Variants in THEMIS observed in about 807,000 individuals in gnomAD.
THEMIS encodes thymocyte selection associated, also known as protein THEMIS.
THEMIS carries 37 observed loss-of-function variants against 52.6 expected under a neutral mutation model. The ratio of observed to expected loss-of-function variants is 0.70; its 90% CI spans 0.54 to 0.93. THEMIS has a LOEUF of 0.93. THEMIS is among the 40% of genes least tolerant of loss of function. The pLI is 0.00. For missense variants in THEMIS, 808 were observed against 763.1 expected (o/e 1.06, Z -0.69); for synonymous variants, 292 against 272.7 (o/e 1.07, Z -0.70).
At chr6:127,856,446 G>A (rs1779620810) in intron 1 of THEMIS, among the ~76,000 whole-genome samples, 1 of 151,878 alleles carries the variant, frequency 6.6e-6, no homozygotes, top group Non-Finnish European at 1.5e-5. Context: ...GAAAATAAAT[G>A]TCCTGACCTC....
In THEMIS at chr6:127,719,805, T is replaced by A. The variant is rs965778325; in HGVS notation, c.1777A>T (p.Thr593Ser). The A allele has an allele frequency of 6.2e-6, 10 of 1,612,216 alleles. No individual in the cohort carries two copies. In the East Asian group the frequency reaches 6.7e-5, roughly 11 times the overall value. ...KSPKRHHVDI[T>S]KKLHPNQAGL... ...GCTTGATTTGGGTGAAGTTTCTTGG[T>A]TATGTCTACGTGATGACGCTGAAAT... Residue 593 changes from threonine to serine, a missense_variant, in exon 5 of 6, where the codon ACC becomes TCC. Physicochemically the swap from Thr to Ser is moderately conservative, Grantham distance 58. Coordinates refer to ENST00000368248, the MANE Select transcript of THEMIS (RefSeq NM_001010923.3).
At chr6:127,899,922 T>A (rs1049483763) in intron 1 of THEMIS, among the ~76,000 whole-genome samples, 1 of 140,840 alleles carries the variant, frequency 7.1e-6, no homozygotes, top group African/African-American at 2.5e-5. Context: ...TATATATATA[T>A]ATAATATATA....
chr6:127,743,688 T>G (rs1400135359), intron 4 of THEMIS, among the ~76,000 whole-genome samples: 1 of 152,132 alleles, frequency 6.6e-6, no homozygotes, highest in East Asian at 1.9e-4. Flanking sequence ...ATATGTGTGA[T>G]GATGAAAAGG....
intron 4 of THEMIS, among the ~76,000 whole-genome samples, chr6:127,766,857 T>C (rs900649064): frequency 5.9e-5 from 9 of 152,202 alleles, no homozygotes; most frequent in Non-Finnish European, 1.3e-4. Context: ...AGTGAGTGAA[T>C]AGTGTGAGTG....
intron 4 of THEMIS, among the ~76,000 whole-genome samples, chr6:127,766,919 T>C (rs1340975170): frequency 1.3e-5 from 2 of 152,154 alleles, no homozygotes; most frequent in Admixed American, 1.3e-4. Flanking sequence ...TTATAAACAC[T>C]GTAAACTTTG....
At chr6:127,826,089 C>T (rs970648379) in intron 3 of THEMIS, among the ~76,000 whole-genome samples, 1 of 152,112 alleles carries the variant, frequency 6.6e-6, no homozygotes, top group Non-Finnish European at 1.5e-5. Context: ...TCAATAGTTA[C>T]TATCTTAAAG....
chr6:127,874,230 C>G (rs1220473586), intron 1 of THEMIS, among the ~76,000 whole-genome samples: 2 of 152,150 alleles, frequency 1.3e-5, no homozygotes, highest in East Asian at 3.9e-4. Flanking sequence ...TTGAGCTCAT[C>G]ACAATAGCAA....
downstream of THEMIS, among the ~76,000 whole-genome samples, chr6:127,707,318 G>A (rs181604243): frequency 3.9e-5 from 6 of 152,258 alleles, no homozygotes; most frequent in African/African-American, 1.2e-4. Flanking sequence ...AGAGTACAGA[G>A]AGAGAATGGG....
chr6:127,711,980 G>C (rs1303198132), intron 5 of THEMIS, among the ~76,000 whole-genome samples: 1 of 151,880 alleles, frequency 6.6e-6, no homozygotes, highest in African/African-American at 2.4e-5. Context: ...GAATCATAGA[G>C]AGTTGAGGAA....
At chr6:127,852,825 C>G (rs895657187) in intron 2 of THEMIS, among the ~76,000 whole-genome samples, 2 of 151,300 alleles carry the variant, frequency 1.3e-5, no homozygotes, top group African/African-American at 4.8e-5. Flanking sequence ...GAAACTATAC[C>G]CTGACCAGTG....
chr6:127,714,904 A>C (rs1316221337), intron 5 of THEMIS, among the ~76,000 whole-genome samples: 1 of 151,892 alleles, frequency 6.6e-6, no homozygotes, highest in Non-Finnish European at 1.5e-5. Context: ...TGCTGATGAG[A>C]TCTCCCATTG....
chr6:127,847,078 C>T (rs1583346272), intron 2 of THEMIS, among the ~76,000 whole-genome samples: 1 of 151,898 alleles, frequency 6.6e-6, no homozygotes, highest in Non-Finnish European at 1.5e-5. Flanking sequence ...TGATAAAATT[C>T]AGCATCTCTT....
At chr6:127,819,922 AAC>A (rs1214739393) in intron 3 of THEMIS, among the ~76,000 whole-genome samples, 1 of 152,180 alleles carries the variant, frequency 6.6e-6, no homozygotes, top group Non-Finnish European at 1.5e-5. Flanking sequence ...TCTAACAGAA[AAC>A]AGTCTGTTAA....
chr6:127,819,118 T>TAAAAAAAAAAAAAAAAAAAAAAA (rs142123167), intron 3 of THEMIS, among the ~76,000 whole-genome samples: 4 of 19,480 alleles, frequency 2.1e-4, no homozygotes, highest in African/African-American at 2.0e-4. Flanking sequence ...AGACTCTGTC[T>TAAAAAAAAAAAAAAAAAAAAAAA]AAAAAAAAAA....
intron 1 of THEMIS, among the ~76,000 whole-genome samples, chr6:127,858,931 T>C (rs1234670152): frequency 6.6e-6 from 1 of 152,146 alleles, no homozygotes; most frequent in Non-Finnish European, 1.5e-5. Flanking sequence ...TCACCTTTTC[T>C]GTAATGCTAC....
intron 1 of THEMIS, among the ~76,000 whole-genome samples, chr6:127,875,325 G>A (rs975985933): frequency 6.6e-6 from 1 of 152,234 alleles, no homozygotes; most frequent in Non-Finnish European, 1.5e-5. Context: ...CAGTGACAGA[G>A]AAAGTCTTTG....
chr6:127,868,564 A>C, intron 1 of THEMIS: 156 of 728,844 alleles, frequency 2.1e-4, no homozygotes, highest in South Asian at 4.3e-4. Context: ...TGACCAGCTC[A>C]GGTGGATATG....
intron 1 of THEMIS, among the ~76,000 whole-genome samples, chr6:127,877,212 T>C (rs1780340193): frequency 6.6e-6 from 1 of 152,210 alleles, no homozygotes; most frequent in African/African-American, 2.4e-5. Context: ...GAGAATGTTG[T>C]GGCTGATGTG....
rs1282052362 is a variant in THEMIS, at chr6:127,813,294, G to A, written c.1347C>T (p.Leu449=). The A allele has an allele frequency of 6.2e-7, 1 of 1,614,164 alleles. No individual in the cohort carries two copies. The highest frequency in any genetic ancestry group is 1.1e-5 in the South Asian group (1 of 91,076). Residue 449 remains leucine, a synonymous_variant, in exon 4 of 6, where the codon CTC becomes CTT. Coordinates refer to ENST00000368248, the MANE Select transcript of THEMIS (RefSeq NM_001010923.3). The part of the protein sequence containing the change: ...HDKKQYPISE[L]CKQFRLPFNV... ...TGAAGGGCAAACGGAACTGTTTACA[G>A]AGCTCAGAAATCGGGTACTGTTTCT...
Sources: allele counts gnomAD v4.1 joint callset (sites outside exome capture counted in the v4.1 genomes callset), GRCh38; gene constraint gnomAD v4.1.1; transcripts MANE v1.5; gene names NCBI Gene and HGNC (gene_info 2026-07-23, HGNC 2026-07-21).